The following PRDM4 variants were observed in gnomAD, a reference collection of about 807,000 sequenced individuals.
PRDM4 encodes the protein PR domain zinc finger protein 4.
A neutral mutation model predicts 62.3 loss-of-function variants in PRDM4; 38 were observed. That is an observed-to-expected ratio of 0.61 (90% confidence interval 0.47 to 0.80). PRDM4 has a LOEUF of 0.80. Among genes scored for constraint, PRDM4 ranks in the 30% least tolerant of loss-of-function variants. The pLI, the probability that PRDM4 is intolerant of heterozygous loss-of-function variation, is 0.00. For missense variants in PRDM4, 858 were observed against 997.1 expected (o/e 0.86, Z 1.88); for synonymous variants, 339 against 348.2 (o/e 0.97, Z 0.30).
At chr12:107,756,263 A>G (rs1891063634) in intron 3 of PRDM4, among the ~76,000 whole-genome samples, 1 of 152,170 alleles carries the variant, frequency 6.6e-6, no homozygotes, top group Non-Finnish European at 1.5e-5. Context: ...CCATTTCAAA[A>G]AAAAAAGGAT....
At chr12:107,745,450 C>A (rs1168526663) in intron 6 of PRDM4, among the ~76,000 whole-genome samples, 3 of 151,936 alleles carry the variant, frequency 2.0e-5, no homozygotes, top group Non-Finnish European at 2.9e-5. Context: ...TGCCTGTAGT[C>A]CCAGCTACTT....
chr12:107,744,661 C>T lies in PRDM4; in HGVS notation c.1277G>A (p.Gly426Asp). The T allele has an allele frequency of 6.2e-7, 1 of 1,613,458 alleles. No homozygotes were observed. The change falls in exon 7 of 12, where the codon GGT (glycine) becomes GAT (aspartate). Residue 426 changes from glycine to aspartate, a missense_variant and splice_region_variant. This residue lies in a region of PRDM4 where 499 missense variants were observed against 546.7 expected (regional missense o/e 0.91). Transcript: ENST00000228437. The part of the protein sequence containing the change: ...LRQSIVGAEV[G>D]VWTGETIPVR... ...AGGAATGGTTTCTCCAGTCCATACA[C>T]CTGTCAGTGGAAGGACACCAACTAC...
chr12:107,745,723 A>C (rs2136319388), intron 6 of PRDM4, among the ~76,000 whole-genome samples: 1 of 152,366 alleles, frequency 6.6e-6, no homozygotes, highest in Non-Finnish European at 1.5e-5. Flanking sequence ...TGATGCTTTG[A>C]AATGACTCAC....
chr12:107,740,638 G>C (rs989337676), intron 10 of PRDM4, among the ~76,000 whole-genome samples: 1 of 152,098 alleles, frequency 6.6e-6, no homozygotes, highest in African/African-American at 2.4e-5. Context: ...TGGTGACTGG[G>C]GGGTGAGCTC....
chr12:107,739,155 T>C (rs889011335), intron 11 of PRDM4: 7 of 455,598 alleles, frequency 1.5e-5, no homozygotes, highest in African/African-American at 2.0e-5. Context: ...AAAGAGTACA[T>C]GTGAAAAGTA....
chr12:107,740,670 A>G (rs1366524877), intron 10 of PRDM4, among the ~76,000 whole-genome samples: 1 of 152,096 alleles, frequency 6.6e-6, no homozygotes, highest in Non-Finnish European at 1.5e-5. Flanking sequence ...TCAGACTCAG[A>G]CTCAGAAGCT....
chr12:107,744,190 GAGGAATGTTT>G (rs1339925497), intron 7 of PRDM4, among the ~76,000 whole-genome samples: 14 of 152,050 alleles, frequency 9.2e-5, no homozygotes, highest in Non-Finnish European at 1.9e-4. Context: ...ATAAACATTT[GAGGAATGTTT>G]TAATTACAAA....
At chr12:107,755,056 C>T (rs76252290) in intron 3 of PRDM4, among the ~76,000 whole-genome samples, 3,499 of 152,182 alleles carry the variant, frequency 0.023, 143 homozygotes, top group African/African-American at 0.08. Flanking sequence ...CCAACTTGGT[C>T]AGTGCTGATT....
chr12:107,757,741 CT>C (rs36107847), intron 2 of PRDM4, among the ~76,000 whole-genome samples: 18,498 of 151,268 alleles, frequency 0.12, 1,973 homozygotes, highest in African/African-American at 0.29. Context: ...CTGCACCAAA[CT>C]TTTTTTTTAA....
chr12:107,756,810 G>A (rs377504043), intron 3 of PRDM4, 22 bp downstream of exon 3: 15 of 1,613,338 alleles, frequency 9.3e-6, no homozygotes, highest in Non-Finnish European at 1.3e-5. Context: ...TTGAAATGCA[G>A]TAGGTCTCCC....
At chr12:107,760,909 G>C (rs1211948143) in intron 1 of PRDM4, 48 bp downstream of exon 1, 1 of 148,244 alleles carries the variant, frequency 6.7e-6, no homozygotes, top group Non-Finnish European at 1.5e-5. Context: ...CCCGCAGGCC[G>C]GGCCGCCGCG....
chr12:107,751,928 A>T lies in PRDM4; in HGVS notation c.613T>A (p.Ser205Thr). The change falls in exon 5 of 12, where the codon TCG (serine) becomes ACG (threonine). Residue 205 changes from serine to threonine, a missense_variant. By Grantham distance (58) the Ser-to-Thr change is moderately conservative. Around this residue, in one of 3 missense-constraint regions of PRDM4, gnomAD observed 499 missense variants for 546.7 expected, o/e 0.91. Coordinates refer to ENST00000228437, the MANE Select transcript of PRDM4 (RefSeq NM_012406.4). ...AGCTCCTCTGCCATTCCATCTGTCGAAATTGGGCTGGTAACCCTAGAAACG... is the reference window on the plus strand; with the variant it reads ...AGCTCCTCTGCCATTCCATCTGTCGTAATTGGGCTGGTAACCCTAGAAACG... ...ENVSRVTSPISTDGMAEELTM... is the reference protein window; with the variant it reads ...ENVSRVTSPITTDGMAEELTM... 1 of 1,614,222 alleles carries T rather than the reference A, an allele frequency of 6.2e-7. No individual in the cohort carries two copies. The highest frequency in any genetic ancestry group is 8.5e-7 in the Non-Finnish European group (1 of 1,180,042).
At chr12:107,753,466 A>G (rs1890965228) in intron 4 of PRDM4, among the ~76,000 whole-genome samples, 1 of 152,144 alleles carries the variant, frequency 6.6e-6, no homozygotes, top group South Asian at 2.1e-4. Context: ...CACCAAAACA[A>G]ATGGCAGGAA....
intron 4 of PRDM4, among the ~76,000 whole-genome samples, chr12:107,753,407 CAA>C (rs1354571840): frequency 7.5e-6 from 1 of 133,166 alleles, no homozygotes; most frequent in Non-Finnish European, 1.8e-5. Context: ...AAAAAGAGAG[CAA>C]GAGAAGAAAC....
chr12:107,742,964 G>C (rs985247728), intron 8 of PRDM4, among the ~76,000 whole-genome samples: 2 of 151,892 alleles, frequency 1.3e-5, no homozygotes, highest in Non-Finnish European at 2.9e-5. Flanking sequence ...TGAGGGTCTT[G>C]CTATGTTTCC....
At chr12:107,747,569 CAG>C (rs932220445) in intron 5 of PRDM4, among the ~76,000 whole-genome samples, 2 of 152,248 alleles carry the variant, frequency 1.3e-5, no homozygotes, top group African/African-American at 4.8e-5. Flanking sequence ...TCTGCATTGG[CAG>C]AGAGGATGCT....
At chr12:107,753,041 T>C (rs1249268213) in intron 4 of PRDM4, among the ~76,000 whole-genome samples, 1 of 151,962 alleles carries the variant, frequency 6.6e-6, no homozygotes, top group Non-Finnish European at 1.5e-5. Flanking sequence ...GAGAAAAAGA[T>C]AAAGTGAAAA....
rs1308405485 is a variant in PRDM4 at position 107,761,023 on chromosome 12, C to T, written c.-323G>A. 2.0e-5 allele frequency: 3 copies of T among 151,088 alleles called. No individual in the cohort carries two copies. Among genetic ancestry groups the T allele is most frequent in the Non-Finnish European group, 3.0e-5 (2 of 67,742 alleles). The allele number at this position is 151,088 out of a possible 1,614,324, so 9.4% of individuals were successfully genotyped here. The stretch of plus-strand genomic sequence containing the variant: ...TTGTTCCTCATCCGGGCAGAGTTCG[C>T]CTCGGGGCCCTGCCCGTCCGCTCGG... On this transcript the variant is annotated 5_prime_UTR_variant, in exon 1 of 12. Coordinates refer to ENST00000228437, the MANE Select transcript of PRDM4 (RefSeq NM_012406.4).
rs1054639220 is a variant in PRDM4, at chr12:107,733,013, A to G, written c.*1197T>C. 3.9e-5 allele frequency: 6 copies of G among 152,620 alleles called. No homozygotes were observed. The highest frequency in any genetic ancestry group is 1.4e-4 in the African/African-American group (6 of 41,426). 9.5% of individuals were successfully genotyped at this position (152,620 alleles called of 1,614,324 possible). A position where few individuals can be genotyped will look rare whatever the true frequency, so the allele number is the denominator to read the frequency against. On this transcript the variant is annotated 3_prime_UTR_variant, in exon 12 of 12. Coordinates refer to ENST00000228437, the MANE Select transcript of PRDM4 (RefSeq NM_012406.4). ...CCAGAGGTTGTGCCTTGAGCAGGAGAGCATGTTCCATCAATCCTGTCAACT... is the reference window on the plus strand; with the variant it reads ...CCAGAGGTTGTGCCTTGAGCAGGAGGGCATGTTCCATCAATCCTGTCAACT...
Sources: allele counts gnomAD v4.1 joint callset (sites outside exome capture counted in the v4.1 genomes callset), GRCh38; gene constraint gnomAD v4.1.1; regional missense constraint gnomAD v4.1.1; transcripts MANE v1.5; gene names NCBI Gene and HGNC (gene_info 2026-07-23, HGNC 2026-07-21).